Variants in SLCO1A2 observed in about 807,000 individuals in gnomAD.
The protein encoded by SLCO1A2 is solute carrier organic anion transporter family member 1A2.
Under a neutral mutation model 69.0 loss-of-function variants are expected in SLCO1A2, and 67 were observed. That is an observed-to-expected ratio of 0.97 (90% confidence interval 0.80 to 1.19). The LOEUF (loss-of-function observed/expected upper bound fraction) is 1.19. Ranked by LOEUF, SLCO1A2 falls within the 50% of genes most tolerant of loss-of-function variation. SLCO1A2 has a pLI of 0.00. For missense variants in SLCO1A2, 787 were observed against 793.7 expected (o/e 0.99, Z 0.10); for synonymous variants, 260 against 265.9 (o/e 0.98, Z 0.22).
intron 6 of SLCO1A2, 26 bp downstream of exon 6, chr12:21,304,401 A>C: frequency 6.4e-7 from 1 of 1,569,554 alleles, no homozygotes; most frequent in South Asian, 1.1e-5. Flanking sequence ...CCCTGAAAAG[A>C]AGCTAAGGTA....
intron 1 of SLCO1A2, among the ~76,000 whole-genome samples, chr12:21,410,364 G>A (rs1437601845): frequency 1.3e-5 from 2 of 152,108 alleles, no homozygotes; most frequent in African/African-American, 4.8e-5. Context: ...GAGAGATCGA[G>A]GCTATATATA....
chr12:21,366,558 T>C (rs373274058), intron 2 of SLCO1A2, among the ~76,000 whole-genome samples: 8 of 151,604 alleles, frequency 5.3e-5, no homozygotes, highest in Non-Finnish European at 1.2e-4. Context: ...AAAATAAAAA[T>C]AAAAAAGAAA....
intron 2 of SLCO1A2, among the ~76,000 whole-genome samples, chr12:21,333,708 T>C (rs1952750255): frequency 6.6e-6 from 1 of 152,074 alleles, no homozygotes; most frequent in South Asian, 2.1e-4. Flanking sequence ...TTATTGAAAG[T>C]TTACAATATT....
upstream of SLCO1A2, among the ~76,000 whole-genome samples, chr12:21,338,780 G>A (rs949055876): frequency 6.6e-6 from 1 of 151,732 alleles, no homozygotes; most frequent in Non-Finnish European, 1.5e-5. Context: ...ACACTGAGCT[G>A]CTCCTTTTTC....
In SLCO1A2 at chr12:21,334,625, A is replaced by G. The variant is rs937164998; in HGVS notation, c.23T>C (p.Ile8Thr). 1.9e-6 allele frequency: 3 copies of G among 1,610,618 alleles called. No homozygotes were observed. The highest frequency in any genetic ancestry group is 2.2e-5 in the South Asian group (2 of 90,730). MGETEKR[I>T]ETHRIRCLSK... ...AAGACATCTTATTCTATGGGTTTCAATTCTTTTCTCAGTTTCTCCCATGTT... is the reference window on the plus strand; with the variant it reads ...AAGACATCTTATTCTATGGGTTTCAGTTCTTTTCTCAGTTTCTCCCATGTT... The change falls in exon 2 of 15, where the codon ATT (isoleucine) becomes ACT (threonine). Residue 8 changes from isoleucine (I) to threonine (T), a missense_variant. Physicochemically the swap from Ile to Thr is moderately conservative, Grantham distance 89. Coordinates refer to ENST00000683939, the MANE Select transcript of SLCO1A2 (RefSeq NM_001386879.1).
intron 1 of SLCO1A2, among the ~76,000 whole-genome samples, chr12:21,414,861 C>A (rs1941965126): frequency 6.6e-6 from 1 of 151,990 alleles, no homozygotes; most frequent in African/African-American, 2.4e-5. Flanking sequence ...AATTCCTACA[C>A]CTCCATAGTG....
rs1248268628 is a variant in SLCO1A2, at chr12:21,333,243, A to G, written c.60+1345T>C. 2.0e-5 allele frequency among the ~76,000 whole-genome samples: 3 copies of G among 152,086 alleles called. No homozygotes were observed. In the East Asian group the frequency reaches 5.8e-4, roughly 29 times the overall value. ...AAGAAATTAGATGGATCATGACCTC[A>G]TTGCTTTTCCCCTAAAACACATGGG... On this transcript the variant is annotated intron_variant, in intron 2 of 14. Transcript: ENST00000683939.
intron 13 of SLCO1A2, 84 bp from the exon 14 acceptor site, chr12:21,274,670 G>A (rs1943475624): frequency 2.0e-6 from 2 of 980,782 alleles, no homozygotes; most frequent in East Asian, 2.4e-5. Flanking sequence ...TTCTTTATTT[G>A]TACGGCAAAG....
At chr12:21,301,420 A>G (rs920227570) in intron 6 of SLCO1A2, 151 bp from the exon 7 acceptor site, 12 of 456,686 alleles carry the variant, frequency 2.6e-5, no homozygotes, top group Non-Finnish European at 3.8e-5. Context: ...TGATGTACAT[A>G]TAAATGATGG....
chr12:21,360,860 G>A lies in SLCO1A2; in HGVS notation c.-63+13539C>T, dbSNP rs149824493. ...GGGGAGGGGCGTCCGCCATTGCTGA[G>A]GCTTGAGAAGGTAAACAAAGCAGCT... On this transcript the variant is annotated intron_variant, in intron 2 of 15. Transcript: ENST00000307378. 7.0e-3 allele frequency among the ~76,000 whole-genome samples: 1,061 copies of A among 152,320 alleles called. 9 individuals carry two copies. Among genetic ancestry groups the A allele is most frequent in the Non-Finnish European group, 0.013 (884 of 68,036 alleles).
At chr12:21,347,424 T>A (rs1297843530) in intron 2 of SLCO1A2, among the ~76,000 whole-genome samples, 5 of 152,112 alleles carry the variant, frequency 3.3e-5, no homozygotes, top group Admixed American at 6.6e-5. Flanking sequence ...AGGGGGTGGA[T>A]CACCTGAGGT....
chr12:21,398,698 C>T (rs1345018961), upstream of SLCO1A2, among the ~76,000 whole-genome samples: 1 of 151,548 alleles, frequency 6.6e-6, no homozygotes, highest in African/African-American at 2.4e-5. Context: ...GGCTTCATCC[C>T]TGGGATGCAA....
At chr12:21,400,770 C>T (rs550202487) in intron 1 of SLCO1A2, among the ~76,000 whole-genome samples, 14 of 148,870 alleles carry the variant, frequency 9.4e-5, no homozygotes, top group Non-Finnish European at 1.3e-4. Context: ...AGTAAACTAT[C>T]GCAAGAACAA....
intron 10 of SLCO1A2, chr12:21,294,588 T>C (rs1165552001): frequency 6.6e-6 from 1 of 152,298 alleles, no homozygotes; most frequent in Non-Finnish European, 1.5e-5. Context: ...CCAGTGCTTG[T>C]AATATGATTG....
chr12:21,417,174 A>C (rs186089361), intron 1 of SLCO1A2, among the ~76,000 whole-genome samples: 2 of 152,098 alleles, frequency 1.3e-5, no homozygotes, highest in African/African-American at 4.8e-5. Context: ...CTAAGCAAAG[A>C]AAAAAAGCAA....
chr12:21,335,279 A>G (rs1380358521), upstream of SLCO1A2, among the ~76,000 whole-genome samples: 1 of 152,060 alleles, frequency 6.6e-6, no homozygotes. Context: ...CCTAGTAAAA[A>G]TAACAAACAA....
intron 1 of SLCO1A2, among the ~76,000 whole-genome samples, chr12:21,374,834 T>G (rs776520682): frequency 1.1e-4 from 16 of 151,888 alleles, no homozygotes; most frequent in Non-Finnish European, 1.9e-4. Context: ...TCTCTCTCTC[T>G]CTCTCTGTCT....
chr12:21,396,801 A>C (rs1388269350), upstream of SLCO1A2, among the ~76,000 whole-genome samples: 43 of 152,146 alleles, frequency 2.8e-4, no homozygotes, highest in South Asian at 1.1e-3. Context: ...GAAATAAAAT[A>C]CTTTACAGAC....
At chr12:21,307,398 A>T (rs1396658290) in intron 4 of SLCO1A2, among the ~76,000 whole-genome samples, 1 of 152,222 alleles carries the variant, frequency 6.6e-6, no homozygotes, top group African/African-American at 2.4e-5. Flanking sequence ...TCAACTTGGC[A>T]TTCTCTAAAG....
Sources: gnomAD v4.1 joint callset for allele counts (sites outside exome capture counted in the v4.1 genomes callset) on GRCh38, gnomAD v4.1.1 for gene constraint, MANE v1.5 for transcripts, NCBI Gene and HGNC (gene_info 2026-07-23, HGNC 2026-07-21) for gene names.